Variants in LRRC40 observed in about 807,000 individuals in gnomAD.
LRRC40 encodes the protein leucine-rich repeat-containing protein 40.
LRRC40 carries 76 observed loss-of-function variants against 72.8 expected under a neutral mutation model. That is an observed-to-expected ratio of 1.04 (90% CI 0.87 to 1.26). The LOEUF is 1.26. Ranked by LOEUF, LRRC40 falls within the 50% of genes most tolerant of loss-of-function variation. LRRC40 has a pLI of 0.00. For missense variants in LRRC40, 684 were observed against 698.9 expected (o/e 0.98, Z 0.24); for synonymous variants, 243 against 254.2 (o/e 0.96, Z 0.42).
At chr1:70,167,666 G>C (rs1362558201) in intron 9 of LRRC40, among the ~76,000 whole-genome samples, 3 of 152,048 alleles carry the variant, frequency 2.0e-5, no homozygotes, top group African/African-American at 4.8e-5. Flanking sequence ...CCAGGCTGGA[G>C]TGCAGTGGCA....
At chr1:70,173,409 A>G in intron 9 of LRRC40, 56 bp downstream of exon 9, 3 of 1,258,866 alleles carry the variant, frequency 2.4e-6, no homozygotes, top group South Asian at 1.2e-5. Flanking sequence ...ATGTACTATT[A>G]ATTCTTCACC....
At chr1:70,165,072 T>A (rs1667852418) in intron 9 of LRRC40, among the ~76,000 whole-genome samples, 1 of 152,226 alleles carries the variant, frequency 6.6e-6, no homozygotes, top group South Asian at 2.1e-4. Context: ...CAGATAGAGA[T>A]GTGTAGGCTC....
rs1667379900 is a variant in LRRC40, at chr1:70,148,648, T to C, written c.1542A>G (p.Leu514=). 5 of 1,610,250 alleles carry C rather than the reference T, an allele frequency of 3.1e-6. No individual in the cohort carries two copies. The highest frequency in any genetic ancestry group is 1.3e-5 in the African/African-American group (1 of 74,958). Residue 514 remains leucine, a synonymous_variant, in exon 14 of 15, where the codon CTA becomes CTG. Coordinates refer to ENST00000370952, the MANE Select transcript of LRRC40 (RefSeq NM_017768.5). ...FNRFKMLPEV[L]YRIFTLETIL... ...TTGTTTCAAGTGTGAAGATACGATA[T>C]AGAACTTCAGGTAGCATTTTAAACC...
chr1:70,186,973 C>G (rs1162925855), intron 3 of LRRC40, among the ~76,000 whole-genome samples: 1 of 149,994 alleles, frequency 6.7e-6, no homozygotes, highest in Non-Finnish European at 1.5e-5. Context: ...AAGAGGTTTA[C>G]TACAATAACA....
In LRRC40 at chr1:70,173,688, G is replaced by A. The variant is rs747566912; in HGVS notation, c.999C>T (p.Asn333=). ...DISSLPYSLG[N]LHLKFLALEG... ...CTAATGCCAAAAATTTCAAATGAAG[G>A]TTCCCCAATGAATAGGGAAGACTAT... is the stretch of plus-strand genomic sequence containing the variant. Residue 333 remains asparagine, a synonymous_variant, in exon 8 of 15, where the codon AAC becomes AAT. Transcript: ENST00000370952. 6.4e-7 allele frequency: 1 copy of A among 1,552,848 alleles called. No homozygotes were observed. The highest frequency in any genetic ancestry group is 1.2e-5 in the South Asian group (1 of 85,774).
rs777444024 is a variant in LRRC40, at chr1:70,145,805, T to C, written c.1804A>G (p.Thr602Ala). ...GGTTATAAAGCAACTCCATGTTAAG[T>C]AGGAATTCGGTCTCTCAAATATTCA... ...ILEYLRDRIPT is the reference protein window; with the variant it reads ...ILEYLRDRIPA Residue 602 changes from threonine to alanine, a missense_variant, in exon 15 of 15, where the codon ACT becomes GCT. By Grantham distance (58) the Thr-to-Ala change is moderately conservative. Coordinates refer to ENST00000370952, the MANE Select transcript of LRRC40 (RefSeq NM_017768.5). The C allele has an allele frequency of 5.1e-6, 8 of 1,561,984 alleles. No homozygotes were observed. The highest frequency in any genetic ancestry group is 2.2e-5 in the South Asian group (2 of 89,448).
intron 9 of LRRC40, among the ~76,000 whole-genome samples, chr1:70,164,704 CT>C (rs1275269396): frequency 6.6e-6 from 1 of 151,936 alleles, no homozygotes; most frequent in Non-Finnish European, 1.5e-5. Context: ...TTACAAGGGT[CT>C]TTTTTTTAAA....
In LRRC40 at chr1:70,159,364, G is replaced by A. The variant is rs896178083; in HGVS notation, c.1186C>T (p.His396Tyr). The A allele has an allele frequency of 3.2e-6, 5 of 1,564,218 alleles. No individual in the cohort carries two copies. The African/African-American group carries it at 5.4e-5, about 17-fold the overall frequency. Residue 396 changes from histidine (H) to tyrosine (Y), a missense_variant, in exon 10 of 15, where the codon CAT becomes TAT. Coordinates refer to ENST00000370952, the MANE Select transcript of LRRC40 (RefSeq NM_017768.5). The stretch of plus-strand genomic sequence containing the variant: ...AATATTTTTAATGTAATGATGGCAT[G>A]TATATTGACTCTGGATTCACTTGGT... Reference protein sequence around the residue: ...TLPSESRVNIHAIITLKILDY... With the variant: ...TLPSESRVNIYAIITLKILDY...
intron 10 of LRRC40, among the ~76,000 whole-genome samples, chr1:70,156,531 T>G (rs886742826): frequency 6.6e-6 from 1 of 152,200 alleles, no homozygotes; most frequent in African/African-American, 2.4e-5. Context: ...ATTAAAATTT[T>G]CAGTAAGGTT....
chr1:70,166,175 T>A (rs896384440), intron 9 of LRRC40, among the ~76,000 whole-genome samples: 4 of 152,304 alleles, frequency 2.6e-5, no homozygotes, highest in East Asian at 1.9e-4. Context: ...AAGTATGTAT[T>A]TTCTAAGTAT....
intron 1 of LRRC40, among the ~76,000 whole-genome samples, chr1:70,193,846 A>AAT (rs1315408585): frequency 1.3e-5 from 2 of 152,074 alleles, no homozygotes; most frequent in Non-Finnish European, 2.9e-5. Flanking sequence ...AAAAATGAGA[A>AAT]ATACTATGTG....
chr1:70,175,139 G>C (rs145479277), intron 7 of LRRC40, among the ~76,000 whole-genome samples: 582 of 152,102 alleles, frequency 3.8e-3, no homozygotes, highest in Non-Finnish European at 5.9e-3. Flanking sequence ...ACAAAGAAAG[G>C]GTTGGTATAT....
intron 9 of LRRC40, among the ~76,000 whole-genome samples, chr1:70,170,942 T>C (rs1667987287): frequency 6.6e-6 from 1 of 152,128 alleles, no homozygotes; most frequent in African/African-American, 2.4e-5. Flanking sequence ...ATCTTCCTGA[T>C]TTGATTTCAA....
chr1:70,164,161 C>A (rs1002045605), intron 9 of LRRC40, among the ~76,000 whole-genome samples: 1 of 151,838 alleles, frequency 6.6e-6, no homozygotes, highest in Non-Finnish European at 1.5e-5. Context: ...GAGGCCGAGG[C>A]GGGCGGATCA....
intron 13 of LRRC40, among the ~76,000 whole-genome samples, chr1:70,149,753 A>G (rs913983447): frequency 5.3e-5 from 8 of 152,190 alleles, no homozygotes; most frequent in Non-Finnish European, 1.5e-5. Context: ...AAAAATTAAA[A>G]TGAGCAATAT....
At chr1:70,200,094 A>T (rs1296844977) in intron 1 of LRRC40, among the ~76,000 whole-genome samples, 1 of 152,236 alleles carries the variant, frequency 6.6e-6, no homozygotes, top group Non-Finnish European at 1.5e-5. Context: ...ATCTAAGAGC[A>T]AGAATCAACA....
rs59341874 is a variant in LRRC40 at position 70,190,677 on chromosome 1, T to TAAAA, written c.152-1408_152-1405dup. On this transcript the variant is annotated intron_variant, in intron 1 of 14. Coordinates refer to ENST00000370952, the MANE Select transcript of LRRC40 (RefSeq NM_017768.5). ...GGGAAACAGAGTGAGACCCTGTCTC[T>TAAAA]AAAAAAAAAAAAAAAAAAACTTAAA... Among the ~76,000 whole-genome samples the TAAAA allele has an allele frequency of 1.7e-3, 95 of 54,354 alleles. 7 individuals are homozygous for TAAAA. The highest frequency in any genetic ancestry group is 9.2e-3 in the African/African-American group (73 of 7,912). 35.7% of individuals were successfully genotyped at this position (54,354 alleles called of 152,430 possible). A position where few individuals can be genotyped will look rare whatever the true frequency, so the allele number is the denominator to read the frequency against.
intron 4 of LRRC40, among the ~76,000 whole-genome samples, chr1:70,183,407 GAA>G (rs991475252): frequency 7.0e-6 from 1 of 142,022 alleles, no homozygotes. Flanking sequence ...TGGTAAAATG[GAA>G]AAAAAAAAAG....
chr1:70,178,456 A>G (rs1415734622), intron 6 of LRRC40, among the ~76,000 whole-genome samples: 1 of 152,222 alleles, frequency 6.6e-6, no homozygotes, highest in Non-Finnish European at 1.5e-5. Context: ...TAAAGCCAAA[A>G]GAATGTAATT....
Sources: allele counts gnomAD v4.1 joint callset (sites outside exome capture counted in the v4.1 genomes callset), GRCh38; gene constraint gnomAD v4.1.1; transcripts MANE v1.5; gene names NCBI Gene and HGNC (gene_info 2026-07-23, HGNC 2026-07-21).